PPA1: variants seen among roughly 807,000 people sequenced by gnomAD.
The protein encoded by PPA1 is inorganic pyrophosphatase 1.
A neutral mutation model predicts 41.8 loss-of-function variants in PPA1; 23 were observed. That is an observed-to-expected ratio of 0.55 (90% CI 0.40 to 0.78). PPA1 has a LOEUF of 0.78. Ranked by LOEUF, PPA1 falls within the 30% of genes least tolerant of loss-of-function variation. The pLI is 0.00. For synonymous variants in PPA1, 101 were observed against 116.8 expected (o/e 0.86, Z 0.87); for missense variants, 320 against 361.6 (o/e 0.89, Z 0.93).
chr10:70,215,562 C>T (rs1840070681), intron 4 of PPA1, among the ~76,000 whole-genome samples: 1 of 151,982 alleles, frequency 6.6e-6, no homozygotes, highest in Non-Finnish European at 1.5e-5. Flanking sequence ...CTCACTGCAA[C>T]CTCTGCCTCC....
intron 1 of PPA1, among the ~76,000 whole-genome samples, chr10:70,231,641 G>C (rs1266817607): frequency 1.3e-5 from 2 of 152,182 alleles, no homozygotes; most frequent in Non-Finnish European, 2.9e-5. Context: ...CCCTTTATCA[G>C]TTTTAAAGAA....
At chr10:70,227,650 CAAAAAAAAAA>C (rs11382289) in intron 2 of PPA1, among the ~76,000 whole-genome samples, 2 of 75,138 alleles carry the variant, frequency 2.7e-5, no homozygotes, top group Non-Finnish European at 4.7e-5. Context: ...AACCCTATCT[CAAAAAAAAAA>C]AAAAAAAAAA....
chr10:70,221,182 C>T (rs1457401288), intron 2 of PPA1, among the ~76,000 whole-genome samples: 1 of 141,336 alleles, frequency 7.1e-6, no homozygotes, highest in East Asian at 2.0e-4. Context: ...TTGGTTACAC[C>T]ACTCTTTAGA....
Position 70,209,597 on chromosome 10 carries a change from T to C in PPA1, c.600A>G (p.Pro200=), listed in dbSNP as rs749695820. The change falls in exon 7 of 11, where the codon CCA becomes CCG. Residue 200 remains proline, a synonymous_variant. Transcript: ENST00000373232. ...CTGCATTAAACGCAAACTCATTTTC[T>C]GGTTTTCCATCAGGAACCTTATACC... ...FRRYKVPDGK[P]ENEFAFNAEF... 6.2e-7 allele frequency: 1 copy of C among 1,606,506 alleles called. No homozygotes were observed. Among genetic ancestry groups the C allele is most frequent in the Non-Finnish European group, 8.5e-7 (1 of 1,178,244 alleles).
chr10:70,225,351 G>A (rs1840217938), intron 2 of PPA1, among the ~76,000 whole-genome samples: 1 of 151,916 alleles, frequency 6.6e-6, no homozygotes, highest in African/African-American at 2.4e-5. Context: ...CTGGACCACA[G>A]GCACCTGCCA....
At chr10:70,215,579 C>T (rs1840070806) in intron 4 of PPA1, among the ~76,000 whole-genome samples, 1 of 152,026 alleles carries the variant, frequency 6.6e-6, no homozygotes, top group Admixed American at 6.5e-5. Flanking sequence ...CTCCCATGTT[C>T]AAGCAATTCT....
intron 3 of PPA1, chr10:70,218,512 G>A (rs1564583377): frequency 1.5e-5 from 7 of 457,012 alleles, no homozygotes; most frequent in Non-Finnish European, 2.7e-5. Context: ...AGGAGAAAAA[G>A]TAATTCTAGG....
In PPA1 at chr10:70,233,276, G is replaced by T; in HGVS notation, c.52C>A (p.Arg18=). The change falls in exon 1 of 11, where the codon CGA becomes AGA. Residue 18 remains arginine, a synonymous_variant. Transcript: ENST00000373232. ...ERAAPFSLEY[R]VFLKNEKGQY... is the part of the protein sequence containing the mutation. ...CGCAGACACTCACTGAGGAAGACTC[G>T]GTACTCCAGGGAGAAGGGCGCGGCG... 1 of 1,542,468 alleles carries T rather than the reference G, an allele frequency of 6.5e-7. No homozygotes were observed. The highest frequency in any genetic ancestry group is 2.5e-5 in the East Asian group (1 of 40,164).
At chr10:70,205,577 T>C (rs1372829447) in intron 9 of PPA1, 2 of 152,154 alleles carry the variant, frequency 1.3e-5, no homozygotes, top group African/African-American at 4.8e-5. Context: ...TTCTTATTTA[T>C]CTCAACTTTG....
rs532743707 is a variant in PPA1 at position 70,214,713 on chromosome 10, A to G, written c.298-127T>C. 29 of 641,274 alleles carry G rather than the reference A, an allele frequency of 4.5e-5. No individual in the cohort carries two copies. In the South Asian group the frequency reaches 7.0e-4, roughly 16 times the overall value. The allele number at this position is 641,274 out of a possible 1,614,324, so 39.7% of individuals were successfully genotyped here. A position where few individuals can be genotyped will look rare whatever the true frequency, so the allele number is the denominator to read the frequency against. Reference sequence around the variant, plus strand: ...CTCATTGTTTTAGTTCTTTATTCGCATTTAAGAATCTTAACTACACACAAG... The same window carrying G: ...CTCATTGTTTTAGTTCTTTATTCGCGTTTAAGAATCTTAACTACACACAAG... On this transcript the variant is annotated intron_variant, in intron 4 of 10. Transcript: ENST00000373232.
chr10:70,210,213 T>A, intron 6 of PPA1: 1 of 384,548 alleles, frequency 2.6e-6, no homozygotes, highest in Non-Finnish European at 4.9e-6. Context: ...CCTGAGTAGC[T>A]GGGACTATAA....
intron 4 of PPA1, among the ~76,000 whole-genome samples, chr10:70,215,505 C>T (rs190526838): frequency 2.4e-4 from 36 of 151,702 alleles, no homozygotes; most frequent in African/African-American, 8.7e-4. Flanking sequence ...GCGACAGAGT[C>T]TTGCTCTGTC....
chr10:70,206,191 C>T lies in PPA1; in HGVS notation c.795+73G>A, dbSNP rs1423734090. 3.5e-6 allele frequency: 4 copies of T among 1,134,466 alleles called. No individual in the cohort carries two copies. In the South Asian group the frequency reaches 3.9e-5, roughly 11 times the overall value. 70.3% of individuals were successfully genotyped at this position (1,134,466 alleles called of 1,614,324 possible). A position where few individuals can be genotyped will look rare whatever the true frequency, so the allele number is the denominator to read the frequency against. ...ACTCAAGTATTTGTCGAAACAAGTA[C>T]TTCCTCTCCCCATTTAGCATCATAG... On this transcript the variant is annotated intron_variant, in intron 9 of 10. Transcript: ENST00000373232.
At chr10:70,232,038 C>G (rs900432375) in intron 1 of PPA1, among the ~76,000 whole-genome samples, 7 of 152,224 alleles carry the variant, frequency 4.6e-5, no homozygotes, top group Non-Finnish European at 8.8e-5. Context: ...AGTTACTGGA[C>G]TGTCCTTGCT....
chr10:70,221,076 A>ATATATTTTT (rs1224550178), intron 2 of PPA1, among the ~76,000 whole-genome samples: 1 of 40,028 alleles, frequency 2.5e-5, no homozygotes, highest in African/African-American at 2.0e-4. Flanking sequence ...ATATATATAT[A>ATATATTTTT]TTTTTTTTTT....
At chr10:70,229,825 T>C (rs1387425713) in intron 2 of PPA1, among the ~76,000 whole-genome samples, 2 of 152,340 alleles carry the variant, frequency 1.3e-5, no homozygotes, top group African/African-American at 2.4e-5. Context: ...TAAATACTTT[T>C]GCTTTTACTC....
intron 2 of PPA1, among the ~76,000 whole-genome samples, chr10:70,221,078 T>TATA (rs1564584674): frequency 0.016 from 164 of 9,960 alleles, 17 homozygotes; most frequent in African/African-American, 0.058. Context: ...ATATATATAT[T>TATA]TTTTTTTTTT....
At chr10:70,218,040 T>C (rs1256982522) in intron 3 of PPA1, 109 bp from the exon 4 acceptor site, 1 of 1,036,176 alleles carries the variant, frequency 9.7e-7, no homozygotes, top group Non-Finnish European at 1.3e-6. Context: ...TCCACTTTAA[T>C]GATATATTTT....
chr10:70,214,534 T>C lies in PPA1; in HGVS notation c.350A>G (p.Asn117Ser), dbSNP rs760006243. The change falls in exon 5 of 11, where the codon AAT becomes AGT. Residue 117 changes from asparagine (N) to serine (S), a missense_variant. Transcript: ENST00000373232. The part of the protein sequence containing the change: ...NDKHTGCCGD[N>S]DPIDVCEIGS... ...AATTTCACACACATCAATTGGGTCA[T>C]TGTCACCACAACAGCCAGTATGTTT... The C allele has an allele frequency of 2.4e-5, 39 of 1,613,694 alleles. No individual in the cohort carries two copies. Among genetic ancestry groups the C allele is most frequent in the African/African-American group, 5.3e-5 (4 of 74,922 alleles).
Sources: gnomAD v4.1 joint callset for allele counts (sites outside exome capture counted in the v4.1 genomes callset) on GRCh38, gnomAD v4.1.1 for gene constraint, MANE v1.5 for transcripts, NCBI Gene and HGNC (gene_info 2026-07-23, HGNC 2026-07-21) for gene names.